Variants in DIXDC1 observed in about 807,000 individuals in gnomAD.
The protein encoded by DIXDC1 is dixin.
Under a neutral mutation model 103.1 loss-of-function variants are expected in DIXDC1, and 64 were observed. The observed-to-expected ratio is 0.62, with a 90% confidence interval of 0.51 to 0.76. The LOEUF is 0.76. DIXDC1 is among the 30% of genes least tolerant of loss of function. The pLI, the probability that DIXDC1 is intolerant of heterozygous loss-of-function variation, is 0.00. For missense variants in DIXDC1, 759 were observed against 834.2 expected (o/e 0.91, Z 1.11); for synonymous variants, 266 against 298.5 (o/e 0.89, Z 1.12).
At position 111,949,869 on chromosome 11, in the gene DIXDC1, C is replaced by T. The variant is rs13377316; in HGVS notation, c.60+12310C>T. Among the ~76,000 whole-genome samples, 674 of 152,322 alleles carry T rather than the reference C, an allele frequency of 4.4e-3. 3 individuals carry two copies. Among genetic ancestry groups the T allele is most frequent in the African/African-American group, 0.015 (640 of 41,578 alleles). ...ATGTCTCCTTCCCTGTTGACCTTTT[C>T]CTGATTCCTCCAGCCTTCCATCCTG... is the stretch of plus-strand genomic sequence containing the variant. On this transcript the variant is annotated intron_variant, in intron 1 of 19. Coordinates refer to ENST00000440460, the MANE Select transcript of DIXDC1 (RefSeq NM_001037954.4).
chr11:111,955,516 C>G (rs868952106), intron 1 of DIXDC1, among the ~76,000 whole-genome samples: 7 of 151,842 alleles, frequency 4.6e-5, no homozygotes, highest in African/African-American at 1.7e-4. Context: ...AGTTCCACTT[C>G]TGGGTATATA....
At chr11:111,939,174 G>A (rs1966331317) in intron 1 of DIXDC1, among the ~76,000 whole-genome samples, 1 of 152,190 alleles carries the variant, frequency 6.6e-6, no homozygotes, top group Non-Finnish European at 1.5e-5. Flanking sequence ...CCCACTGTCT[G>A]TTTAAGAGGA....
intron 17 of DIXDC1, among the ~76,000 whole-genome samples, chr11:112,015,684 C>A (rs1251629044): frequency 6.6e-6 from 1 of 151,390 alleles, no homozygotes; most frequent in Non-Finnish European, 1.5e-5. Flanking sequence ...CACCTGTTAT[C>A]CCAGCTACTC....
intron 7 of DIXDC1, among the ~76,000 whole-genome samples, chr11:111,983,869 G>A (rs587735457): frequency 4.5e-4 from 69 of 152,294 alleles, no homozygotes; most frequent in African/African-American, 1.6e-3. Flanking sequence ...CATCCACTGG[G>A]CTTCTTAACT....
intron 11 of DIXDC1, among the ~76,000 whole-genome samples, 156 bp from the exon 12 acceptor site, chr11:111,992,795 A>T (rs1361475708): frequency 1.4e-4 from 21 of 152,214 alleles, no homozygotes; most frequent in African/African-American, 4.8e-4. Flanking sequence ...TAATTACTTC[A>T]CTAAAAATGT....
At chr11:112,008,131 CAAAAA>C (rs782037838) in intron 17 of DIXDC1, among the ~76,000 whole-genome samples, 7 of 52,256 alleles carry the variant, frequency 1.3e-4, no homozygotes, top group Non-Finnish European at 1.9e-4. Context: ...AAATGCAAAG[CAAAAA>C]AAAAAAAAAA....
chr11:111,990,025 T>C (rs1201069340), intron 10 of DIXDC1, among the ~76,000 whole-genome samples: 3 of 151,218 alleles, frequency 2.0e-5, no homozygotes, highest in Non-Finnish European at 2.9e-5. Flanking sequence ...CTCCTGACCT[T>C]GTGATCTGCC....
chr11:112,016,550 T>C, intron 17 of DIXDC1, 141 bp from the exon 18 acceptor site: 1 of 608,436 alleles, frequency 1.6e-6, no homozygotes, highest in Non-Finnish European at 2.7e-6. Flanking sequence ...CCATAGCATA[T>C]GGACATTGTG....
intron 1 of DIXDC1, among the ~76,000 whole-genome samples, chr11:111,948,078 A>C (rs1273571540): frequency 6.6e-6 from 1 of 152,198 alleles, no homozygotes; most frequent in Non-Finnish European, 1.5e-5. Context: ...TTAGTCTCTA[A>C]CACTCTCTAG....
At chr11:111,951,220 A>G (rs1555169945) in intron 1 of DIXDC1, among the ~76,000 whole-genome samples, 1 of 152,192 alleles carries the variant, frequency 6.6e-6, no homozygotes, top group African/African-American at 2.4e-5. Flanking sequence ...AGAAAATGGA[A>G]GTTTAAACAA....
At chr11:111,929,488 T>G (rs1592527505) in intron 1 of DIXDC1, among the ~76,000 whole-genome samples, 1 of 144,814 alleles carries the variant, frequency 6.9e-6, no homozygotes, top group African/African-American at 2.6e-5. Context: ...GAGGCTGAGG[T>G]GGGAGGATCA....
At chr11:112,001,594 T>C (rs1191996142) in intron 17 of DIXDC1, among the ~76,000 whole-genome samples, 2 of 152,128 alleles carry the variant, frequency 1.3e-5, no homozygotes, top group African/African-American at 4.8e-5. Context: ...AATCGTAACT[T>C]TCTTGAACCC....
intron 17 of DIXDC1, among the ~76,000 whole-genome samples, chr11:112,010,247 G>A (rs1285097553): frequency 6.6e-6 from 1 of 152,118 alleles, no homozygotes; most frequent in Non-Finnish European, 1.5e-5. Context: ...AACTTACAAG[G>A]GATGTGAAGG....
chr11:112,017,053 A>G lies in DIXDC1; in HGVS notation c.1862+257A>G, dbSNP rs373754062. Among the ~76,000 whole-genome samples the G allele has an allele frequency of 6.6e-6, 1 of 151,934 alleles. No homozygotes were observed. The highest frequency in any genetic ancestry group is 1.9e-4 in the East Asian group (1 of 5,172). The stretch of plus-strand genomic sequence containing the variant: ...TTCCAATCCTGATAACTATGCAAAT[A>G]TGGCTCTGCATTTGGGAAAATCTTT... On this transcript the variant is annotated intron_variant, in intron 18 of 19. Coordinates refer to ENST00000440460, the MANE Select transcript of DIXDC1 (RefSeq NM_001037954.4). The surrounding 1 kb of genome is among the most constrained non-coding windows in gnomAD (Gnocchi z 4.0).
At chr11:111,962,937 A>G (rs782511698) in intron 1 of DIXDC1, among the ~76,000 whole-genome samples, 8 of 152,190 alleles carry the variant, frequency 5.3e-5, no homozygotes, top group Non-Finnish European at 7.3e-5. Flanking sequence ...GTCCCTGGTG[A>G]TGGGTGTCTG....
chr11:112,019,146 A>G lies in DIXDC1; in HGVS notation c.*110A>G. On this transcript the variant is annotated 3_prime_UTR_variant, in exon 20 of 20. Transcript: ENST00000440460. ...CTAAGAAGTTTCTAGTTTGTGTGCCAAAACAGAAGCTTCTCCAAGCATGAT... is the reference window on the plus strand; with the variant it reads ...CTAAGAAGTTTCTAGTTTGTGTGCCGAAACAGAAGCTTCTCCAAGCATGAT... 1.1e-6 allele frequency: 1 copy of G among 877,734 alleles called. No homozygotes were observed. The highest frequency in any genetic ancestry group is 1.8e-6 in the Non-Finnish European group (1 of 559,904). 54.4% of individuals were successfully genotyped at this position (877,734 alleles called of 1,614,324 possible).
intron 1 of DIXDC1, among the ~76,000 whole-genome samples, chr11:111,949,509 G>A (rs1966705819): frequency 1.3e-5 from 2 of 152,160 alleles, no homozygotes; most frequent in African/African-American, 4.8e-5. Context: ...TTCAGTTTAG[G>A]TGCTTATCTT....
Position 111,986,859 on chromosome 11 carries a change from T to C in DIXDC1, c.1009-12T>C. ...ATAGGTGCTTAGCCATCTCTGTTTG[T>C]CTTATATTCAGATTATAATCCAAAG... On this transcript the variant is annotated splice_polypyrimidine_tract_variant and intron_variant, in intron 8 of 19. Transcript: ENST00000440460. 6.4e-7 allele frequency: 1 copy of C among 1,562,378 alleles called. No homozygotes were observed. Among genetic ancestry groups the C allele is most frequent in the African/African-American group, 1.4e-5 (1 of 73,818 alleles).
chr11:111,991,627 T>C (rs587761049), intron 10 of DIXDC1, among the ~76,000 whole-genome samples: 2 of 152,328 alleles, frequency 1.3e-5, no homozygotes, highest in Non-Finnish European at 2.9e-5. Flanking sequence ...ATAACTGTCC[T>C]TATAAGCAAG....
Sources: gnomAD v4.1 joint callset for allele counts (sites outside exome capture counted in the v4.1 genomes callset) on GRCh38, gnomAD v4.1.1 for gene constraint, Gnocchi (gnomAD v3.1) non-coding constraint, MANE v1.5 for transcripts, NCBI Gene and HGNC (gene_info 2026-07-23, HGNC 2026-07-21) for gene names.